Variants in THSD7B observed in about 807,000 individuals in gnomAD.
THSD7B encodes thrombospondin type 1 domain containing 7B, also known as thrombospondin type-1 domain-containing protein 7B.
THSD7B carries 138 observed loss-of-function variants against 213.6 expected under a neutral mutation model. The observed-to-expected ratio is 0.65, with a 90% CI of 0.56 to 0.74. The LOEUF is 0.74. THSD7B is among the 30% of genes least tolerant of loss of function. THSD7B has a pLI of 0.00. For synonymous variants in THSD7B, 742 were observed against 687.0 expected, an observed-to-expected ratio of 1.08 and a Z score of -1.25; for missense variants, 1,931 against 1,991.5, an observed-to-expected ratio of 0.97 and a Z score of 0.58.
chr2:137,677,134 C>A lies in THSD7B; in HGVS notation c.*529C>A, dbSNP rs1683721571. The A allele has an allele frequency of 6.6e-6, 1 of 152,610 alleles. No individual in the cohort carries two copies. The highest frequency in any genetic ancestry group is 2.1e-4 in the South Asian group (1 of 4,830). The allele number at this position is 152,610 out of a possible 1,614,324, so 9.5% of individuals were successfully genotyped here. On this transcript the variant is annotated 3_prime_UTR_variant, in exon 28 of 28. Transcript: ENST00000409968. Reference sequence around the variant, plus strand: ...CATGAACACAGAGAGAATGGATTACCATTTCAGAAATTCTCTGAGTTTTTA... The same window carrying A: ...CATGAACACAGAGAGAATGGATTACAATTTCAGAAATTCTCTGAGTTTTTA...
chr2:137,534,018 G>GCGCACA (rs1222818725), intron 15 of THSD7B, among the ~76,000 whole-genome samples: 2 of 113,488 alleles, frequency 1.8e-5, no homozygotes, highest in African/African-American at 6.2e-5. Flanking sequence ...GTGTGTGCGC[G>GCGCACA]CACACACACA....
chr2:137,464,748 A>ATTATTTAT (rs531702215), intron 15 of THSD7B, among the ~76,000 whole-genome samples: 1 of 151,918 alleles, frequency 6.6e-6, no homozygotes, highest in East Asian at 1.9e-4. Context: ...TGTTTAAAAA[A>ATTATTTAT]TTATTTATTT....
At chr2:137,411,298 C>T (rs1229291532) in intron 13 of THSD7B, among the ~76,000 whole-genome samples, 1 of 152,174 alleles carries the variant, frequency 6.6e-6, no homozygotes, top group African/African-American at 2.4e-5. Flanking sequence ...ATGTTTTTTC[C>T]AGCAAACTTA....
rs182071670 is a variant in THSD7B at position 136,869,427 on chromosome 2, T to C, written c.-35-12717T>C. ...TCCATTTGTCTGTAAACTAAATAAA[T>C]TTTAGTAGCCATTAAAGTGAAAATG... On this transcript the variant is annotated intron_variant, in intron 1 of 27. Coordinates refer to ENST00000409968, the MANE Select transcript of THSD7B (RefSeq NM_001316349.2). Among the ~76,000 whole-genome samples, 21 of 152,334 alleles carry C rather than the reference T, an allele frequency of 1.4e-4. No individual in the cohort carries two copies. In the East Asian group the frequency reaches 3.7e-3, roughly 27 times the overall value.
chr2:137,409,368 C>A (rs6741735), intron 13 of THSD7B, among the ~76,000 whole-genome samples: 63,337 of 151,996 alleles, frequency 0.42, 15,470 homozygotes, highest in African/African-American at 0.68. Flanking sequence ...AGTGATATAC[C>A]TTTGTCATTA....
At chr2:137,479,996 C>A (rs945382665) in intron 15 of THSD7B, among the ~76,000 whole-genome samples, 9 of 152,170 alleles carry the variant, frequency 5.9e-5, no homozygotes, top group African/African-American at 1.9e-4. Flanking sequence ...GGAATGTGGA[C>A]TTCTTGGGTC....
At chr2:137,049,394 T>G (rs1004711804) in intron 2 of THSD7B, among the ~76,000 whole-genome samples, 1 of 152,352 alleles carries the variant, frequency 6.6e-6, no homozygotes. Flanking sequence ...AAGATAGAAC[T>G]GGAGAGGGCA....
chr2:137,598,973 A>G (rs1364787694), intron 17 of THSD7B, among the ~76,000 whole-genome samples: 2 of 149,410 alleles, frequency 1.3e-5, no homozygotes, highest in South Asian at 2.1e-4. Context: ...ACGCTGGTGC[A>G]CTGCACCCAC....
intron 1 of THSD7B, among the ~76,000 whole-genome samples, chr2:136,844,989 TA>T (rs1682984980): frequency 6.6e-6 from 1 of 152,234 alleles, no homozygotes; most frequent in African/African-American, 2.4e-5. Flanking sequence ...TGATACCTAG[TA>T]AATGTCTTGT....
In THSD7B at chr2:137,411,702, C is replaced by A. The variant is rs760096650; in HGVS notation, c.2789C>A (p.Pro930His). Residue 930 changes from proline (P) to histidine (H), a missense_variant, in exon 14 of 28, where the codon CCT (proline) becomes CAT (histidine). Physicochemically the swap from Pro to His is moderately conservative, Grantham distance 77. Coordinates refer to ENST00000409968, the MANE Select transcript of THSD7B (RefSeq NM_001316349.2). The stretch of plus-strand genomic sequence containing the variant: ...CCTTGTGATGAATTTATATCCCAAC[C>A]TTATGGAAACTGGTCAGATTGCATT... ...LCPCDEFISQ[P>H]YGNWSDCILP... 3 of 1,613,942 alleles carry A rather than the reference C, an allele frequency of 1.9e-6. No homozygotes were observed. Among genetic ancestry groups the A allele is most frequent in the Non-Finnish European group, 2.5e-6 (3 of 1,179,890 alleles).
At chr2:137,075,578 TCTCAA>T (rs1472295317) in intron 3 of THSD7B, among the ~76,000 whole-genome samples, 2 of 152,336 alleles carry the variant, frequency 1.3e-5, no homozygotes, top group Non-Finnish European at 1.5e-5. Context: ...AGCCTTCTTC[TCTCAA>T]CTCGTTAAAG....
chr2:137,361,425 A>G (rs1685254758), intron 12 of THSD7B, among the ~76,000 whole-genome samples: 1 of 152,198 alleles, frequency 6.6e-6, no homozygotes, highest in Non-Finnish European at 1.5e-5. Context: ...CGGTAATGAT[A>G]AACTTCTCTG....
At chr2:136,920,288 A>C (rs1360672722) in intron 2 of THSD7B, among the ~76,000 whole-genome samples, 2 of 152,324 alleles carry the variant, frequency 1.3e-5, no homozygotes, top group East Asian at 3.9e-4. Flanking sequence ...TTCCTTCCAC[A>C]GGCAGGTCGT....
At chr2:137,658,092 C>T (rs1683273679) in intron 24 of THSD7B, among the ~76,000 whole-genome samples, 1 of 152,202 alleles carries the variant, frequency 6.6e-6, no homozygotes, top group Admixed American at 6.5e-5. Flanking sequence ...TTACAGAGAG[C>T]TTGTGCAAGA....
At chr2:136,906,936 G>GTTTTTTTTTTTTTTTTTTTTT (rs57887270) in intron 2 of THSD7B, among the ~76,000 whole-genome samples, 12 of 55,128 alleles carry the variant, frequency 2.2e-4, no homozygotes, top group African/African-American at 9.8e-4. Flanking sequence ...ACATTTCAAG[G>GTTTTTTTTTTTTTTTTTTTTT]TTTTTTTTTT....
At chr2:137,484,135 G>A (rs1450727243) in intron 15 of THSD7B, among the ~76,000 whole-genome samples, 4 of 150,622 alleles carry the variant, frequency 2.7e-5, no homozygotes, top group Admixed American at 2.6e-4. Context: ...TCGTCATTTA[G>A]CATTAGGTAT....
intron 12 of THSD7B, among the ~76,000 whole-genome samples, chr2:137,380,863 C>T (rs531033581): frequency 3.3e-5 from 5 of 152,328 alleles, no homozygotes; most frequent in Middle Eastern, 3.4e-3. Flanking sequence ...CACATGAGCT[C>T]GTGCTTGGCT....
chr2:137,109,970 G>T (rs529224436), intron 4 of THSD7B, among the ~76,000 whole-genome samples: 1 of 152,216 alleles, frequency 6.6e-6, no homozygotes, highest in South Asian at 2.1e-4. Context: ...TCTAGATGGT[G>T]CTGGGCACTC....
At chr2:137,131,733 G>T (rs375009684) in intron 5 of THSD7B, among the ~76,000 whole-genome samples, 1 of 152,084 alleles carries the variant, frequency 6.6e-6, no homozygotes, top group South Asian at 2.1e-4. Context: ...TGTTCCATTG[G>T]TCTATATCTC....
Sources: gnomAD v4.1 joint callset for allele counts (sites outside exome capture counted in the v4.1 genomes callset) on GRCh38, gnomAD v4.1.1 for gene constraint, MANE v1.5 for transcripts, NCBI Gene and HGNC (gene_info 2026-07-23, HGNC 2026-07-21) for gene names.